The following FCHSD2 variants were observed in gnomAD, a reference collection of about 807,000 sequenced individuals.
FCHSD2 encodes F-BAR and double SH3 domains protein 2.
In FCHSD2, 38 loss-of-function variants were observed where a neutral mutation model predicts 108.1. The observed-to-expected ratio is 0.35, with a 90% CI of 0.27 to 0.46. FCHSD2 has a LOEUF of 0.46. FCHSD2 is among the 20% of genes least tolerant of loss of function. FCHSD2 has a pLI of 1.00. For synonymous variants in FCHSD2, 279 were observed against 314.7 expected, an observed-to-expected ratio of 0.89 and a Z score of 1.20; for missense variants, 751 against 897.8, an observed-to-expected ratio of 0.84 and a Z score of 2.09.
At chr11:73,048,330 T>C (rs1279592314) in intron 3 of FCHSD2, among the ~76,000 whole-genome samples, 1 of 152,170 alleles carries the variant, frequency 6.6e-6, no homozygotes, top group Non-Finnish European at 1.5e-5. Flanking sequence ...CCAAGGTTCA[T>C]GATAGTCTAG....
rs866411851 is a variant in FCHSD2 at position 73,003,547 on chromosome 11, C to T, written c.243-2413G>A. 4.4e-4 allele frequency among the ~76,000 whole-genome samples: 65 copies of T among 146,794 alleles called. No individual in the cohort carries two copies. The Middle Eastern group carries it at 0.029, about 65-fold the overall frequency. On this transcript the variant is annotated intron_variant, in intron 4 of 19. Transcript: ENST00000409418. The stretch of plus-strand genomic sequence containing the variant: ...TGTCGCCCAGGCTGGAGTGCAGTGG[C>T]GGGATCTCGGCTCACTGCAAGCTCC...
At chr11:73,022,812 CA>C (rs1241282252) in intron 3 of FCHSD2, among the ~76,000 whole-genome samples, 1 of 152,070 alleles carries the variant, frequency 6.6e-6, no homozygotes, top group East Asian at 1.9e-4. Context: ...CTGCAGGAAT[CA>C]AGATAGCATG....
At chr11:73,094,483 T>A (rs1251347891) in intron 2 of FCHSD2, among the ~76,000 whole-genome samples, 1 of 152,208 alleles carries the variant, frequency 6.6e-6, no homozygotes, top group African/African-American at 2.4e-5. Context: ...CCATCTTTAG[T>A]CATAAATAGC....
At chr11:72,996,570 T>C (rs1426390810) in intron 5 of FCHSD2, among the ~76,000 whole-genome samples, 1 of 152,188 alleles carries the variant, frequency 6.6e-6, no homozygotes, top group African/African-American at 2.4e-5. Context: ...TAATCCTCAT[T>C]ATAAACTGGG....
intron 16 of FCHSD2, 54 bp from the exon 17 acceptor site, chr11:72,842,895 T>C: frequency 8.0e-6 from 11 of 1,375,390 alleles, no homozygotes; most frequent in East Asian, 2.3e-5. Context: ...CCGGTTGCTT[T>C]TGCAACCACC....
At chr11:72,996,896 A>G (rs1428951907) in intron 5 of FCHSD2, among the ~76,000 whole-genome samples, 3 of 152,222 alleles carry the variant, frequency 2.0e-5, no homozygotes. Context: ...ATTCAACTTA[A>G]TGTTTTTCCT....
At chr11:72,936,191 T>C (rs1279073045) in intron 8 of FCHSD2, among the ~76,000 whole-genome samples, 2 of 152,188 alleles carry the variant, frequency 1.3e-5, no homozygotes, top group Non-Finnish European at 1.5e-5. Flanking sequence ...ATTAAAATAA[T>C]AGGGCTTAAC....
At chr11:72,954,574 T>A (rs1856677915) in intron 8 of FCHSD2, among the ~76,000 whole-genome samples, 3 of 152,086 alleles carry the variant, frequency 2.0e-5, no homozygotes. Flanking sequence ...GCAAGAAGGA[T>A]GACACTAATA....
intron 8 of FCHSD2, among the ~76,000 whole-genome samples, chr11:72,945,873 G>A (rs983635284): frequency 3.3e-5 from 5 of 152,100 alleles, no homozygotes; most frequent in Non-Finnish European, 2.9e-5. Flanking sequence ...TTAGAATGGC[G>A]ATCATTAGAA....
intron 2 of FCHSD2, among the ~76,000 whole-genome samples, chr11:73,135,229 A>G (rs1167564724): frequency 1.3e-5 from 2 of 152,238 alleles, no homozygotes; most frequent in African/African-American, 4.8e-5. Flanking sequence ...CCTTGGTTAA[A>G]AGCTTGGGAA....
At position 73,042,119 on chromosome 11, in the gene FCHSD2, G is replaced by T. The variant is rs536891878; in HGVS notation, c.166-26234C>A. Among the ~76,000 whole-genome samples the T allele has an allele frequency of 3.3e-5, 5 of 152,128 alleles. No individual in the cohort carries two copies. The South Asian group carries it at 8.3e-4, about 25-fold the overall frequency. ...TTTTTTTATTTTTAGTAGAGACAGG[G>T]TTTCACTGTGTTGGCCAGGCTGGTC... is the stretch of plus-strand genomic sequence containing the variant. On this transcript the variant is annotated intron_variant, in intron 3 of 19. Coordinates refer to ENST00000409418, the MANE Select transcript of FCHSD2 (RefSeq NM_014824.3).
rs565348220 is a variant in FCHSD2 at position 73,023,510 on chromosome 11, C to T, written c.166-7625G>A. ...GTACCACTACACATGTATTAGAATG[C>T]TAAATCCAAAAAATTAACAGCAAGA... On this transcript the variant is annotated intron_variant, in intron 3 of 19. Transcript: ENST00000409418. Among the ~76,000 whole-genome samples the T allele has an allele frequency of 1.4e-4, 21 of 152,256 alleles. No homozygotes were observed. The South Asian group carries it at 4.4e-3, about 32-fold the overall frequency.
intron 9 of FCHSD2, among the ~76,000 whole-genome samples, chr11:72,909,048 T>G (rs1268330632): frequency 6.6e-6 from 1 of 152,104 alleles, no homozygotes; most frequent in Non-Finnish European, 1.5e-5. Context: ...CACCTCTCCC[T>G]TCCCCTCCCC....
chr11:73,080,296 C>CAAAAAAA (rs370633105), intron 3 of FCHSD2, among the ~76,000 whole-genome samples: 8 of 52,258 alleles, frequency 1.5e-4, no homozygotes, highest in East Asian at 6.1e-4. Context: ...GACCCTGTCT[C>CAAAAAAA]AAAAAAAAAA....
At chr11:72,840,856 C>G (rs766471788) in intron 19 of FCHSD2, 21 bp downstream of exon 19, 3 of 1,553,762 alleles carry the variant, frequency 1.9e-6, no homozygotes, top group Non-Finnish European at 2.7e-6. Flanking sequence ...ATTCGATAAT[C>G]CTGCAAGATC....
chr11:73,082,662 G>A (rs1026744272), intron 3 of FCHSD2, among the ~76,000 whole-genome samples: 2 of 151,886 alleles, frequency 1.3e-5, no homozygotes, highest in East Asian at 3.9e-4. Context: ...CAGCAATAGT[G>A]GTTACCATGT....
In FCHSD2 at chr11:73,141,928, G is replaced by C. The variant is rs1861258582; in HGVS notation, c.-51C>G. The C allele has an allele frequency of 1.4e-6, 2 of 1,384,122 alleles. No homozygotes were observed. The highest frequency in any genetic ancestry group is 2.3e-5 in the Admixed American group (1 of 43,908). 85.7% of individuals were successfully genotyped at this position (1,384,122 alleles called of 1,614,324 possible). A position where few individuals can be genotyped will look rare whatever the true frequency, so the allele number is the denominator to read the frequency against. On this transcript the variant is annotated 5_prime_UTR_variant, in exon 1 of 20. Transcript: ENST00000409418. ...CCGACGGCAGCGTTAGCAAGGACCA[G>C]GAGGAGGAGGAGGGCCGGAGAGGAG... is the stretch of plus-strand genomic sequence containing the variant.
At chr11:73,114,865 T>C (rs913571375) in intron 2 of FCHSD2, among the ~76,000 whole-genome samples, 3 of 152,106 alleles carry the variant, frequency 2.0e-5, no homozygotes, top group African/African-American at 7.2e-5. Context: ...TTTTTGAAGC[T>C]ACAAGCTGTG....
intron 14 of FCHSD2, among the ~76,000 whole-genome samples, chr11:72,848,987 T>C (rs1477126472): frequency 6.6e-6 from 1 of 152,178 alleles, no homozygotes; most frequent in Non-Finnish European, 1.5e-5. Context: ...AATTTAAATA[T>C]AAAATGAAAG....
Sources: gnomAD v4.1 joint callset for allele counts (sites outside exome capture counted in the v4.1 genomes callset) on GRCh38, gnomAD v4.1.1 for gene constraint, MANE v1.5 for transcripts, NCBI Gene and HGNC (gene_info 2026-07-23, HGNC 2026-07-21) for gene names.